Variants in SRGAP3 observed in about 807,000 individuals in gnomAD.
The protein encoded by SRGAP3 is SLIT-ROBO Rho GTPase activating protein 3.
SRGAP3 carries 39 observed loss-of-function variants against 121.1 expected under a neutral mutation model. The ratio of observed to expected loss-of-function variants is 0.32; its 90% CI spans 0.25 to 0.42. SRGAP3 has a LOEUF of 0.42. SRGAP3 is among the 10% of genes least tolerant of loss of function. The pLI, the probability that SRGAP3 is intolerant of heterozygous loss-of-function variation, is 1.00. For synonymous variants in SRGAP3, 601 were observed against 570.0 expected, an observed-to-expected ratio of 1.05 and a Z score of -0.77; for missense variants, 1,213 against 1,470.6, an observed-to-expected ratio of 0.82 and a Z score of 2.86.
At chr3:9,322,739 G>A (rs951865308) in intron 3 of SRGAP3, among the ~76,000 whole-genome samples, 3 of 151,520 alleles carry the variant, frequency 2.0e-5, no homozygotes, top group Non-Finnish European at 4.4e-5. Context: ...TCCACAAAAC[G>A]AGTCCCTGGT....
At chr3:9,252,704 T>TC (rs1037737125), upstream of SRGAP3, among the ~76,000 whole-genome samples, 2 of 152,038 alleles carry the variant, frequency 1.3e-5, no homozygotes, top group African/African-American at 4.8e-5. Flanking sequence ...CTTCCAGTCC[T>TC]CCCCACAGCC....
intron 3 of SRGAP3, among the ~76,000 whole-genome samples, chr3:9,270,852 C>T (rs13063276): frequency 0.38 from 57,415 of 151,778 alleles, 11,971 homozygotes; most frequent in Admixed American, 0.48. Context: ...TGGTACTGTT[C>T]TGTGCTGCCT....
In SRGAP3 at chr3:9,334,431, G is replaced by T. The variant is rs549853710; in HGVS notation, n.215-3835C>A. Among the ~76,000 whole-genome samples the T allele has an allele frequency of 1.7e-4, 26 of 152,156 alleles. 1 individual carries two copies. The East Asian group carries it at 4.6e-3, about 27-fold the overall frequency. ...TGATATGTGTTGTACTAGATATACA[G>T]AAAATGTATCCAATCTTAGATAAGA... On this transcript the variant is annotated intron_variant and non_coding_transcript_variant, in intron 1 of 3. Transcript: ENST00000490889.
At chr3:9,080,227 TACA>T in intron 3 of SRGAP3, 140 bp from the exon 4 acceptor site, 1 of 751,908 alleles carries the variant, frequency 1.3e-6, no homozygotes, top group Non-Finnish European at 2.3e-6. Flanking sequence ...TTCATTGATC[TACA>T]ACAACATAAA....
intron 18 of SRGAP3, chr3:9,006,911 T>C (rs1482472429): frequency 6.6e-6 from 1 of 150,904 alleles, no homozygotes; most frequent in Non-Finnish European, 1.5e-5. Flanking sequence ...TCCAGACTTA[T>C]CAGACTCAAG....
At chr3:9,132,965 G>A (rs531779800) in intron 1 of SRGAP3, among the ~76,000 whole-genome samples, 2 of 150,438 alleles carry the variant, frequency 1.3e-5, no homozygotes, top group South Asian at 2.1e-4. Context: ...TACCATGATC[G>A]TGTGCATCAT....
chr3:9,217,412 C>T (rs1176768995), intron 1 of SRGAP3: 2 of 152,058 alleles, frequency 1.3e-5, no homozygotes, highest in Admixed American at 1.3e-4. Flanking sequence ...CAAGGGGGCA[C>T]GTCAAATTCT....
chr3:8,996,894 AG>A (rs967776003), intron 18 of SRGAP3, among the ~76,000 whole-genome samples: 1 of 152,158 alleles, frequency 6.6e-6, no homozygotes, highest in African/African-American at 2.4e-5. Context: ...TGATACTCAG[AG>A]GGGCACAGAG....
intron 1 of SRGAP3, among the ~76,000 whole-genome samples, chr3:9,353,682 T>C (rs981966912): frequency 1.3e-5 from 2 of 152,232 alleles, no homozygotes; most frequent in African/African-American, 4.8e-5. Context: ...TGTTAACACC[T>C]GACAGGACAA....
intron 3 of SRGAP3, among the ~76,000 whole-genome samples, chr3:9,279,823 T>C (rs543646279): frequency 6.4e-4 from 98 of 152,200 alleles, no homozygotes; most frequent in Middle Eastern, 3.4e-3. Flanking sequence ...ACAAACACCC[T>C]GATCGTGGCA....
chr3:9,336,347 C>T (rs1481867041), intron 1 of SRGAP3, among the ~76,000 whole-genome samples: 1 of 152,040 alleles, frequency 6.6e-6, no homozygotes, highest in Non-Finnish European at 1.5e-5. Context: ...TCCTGAGTAG[C>T]TGGGACTATA....
intron 14 of SRGAP3, among the ~76,000 whole-genome samples, chr3:9,019,568 A>G (rs1285949155): frequency 6.6e-6 from 1 of 152,234 alleles, no homozygotes; most frequent in East Asian, 1.9e-4. Context: ...CCTCCTGAAC[A>G]GCGAAGAGCA....
At chr3:9,078,627 G>A (rs960240739) in intron 4 of SRGAP3, among the ~76,000 whole-genome samples, 3 of 152,102 alleles carry the variant, frequency 2.0e-5, no homozygotes, top group Admixed American at 6.5e-5. Flanking sequence ...TCACAGGGAC[G>A]TGCACTAAGC....
At chr3:9,254,958 AAAAG>A (rs1364626702) in intron 3 of SRGAP3, among the ~76,000 whole-genome samples, 2 of 151,102 alleles carry the variant, frequency 1.3e-5, no homozygotes, top group Admixed American at 6.6e-5. Context: ...AAAGAAAGAG[AAAAG>A]AAAGAAAGGG....
chr3:9,124,775 C>G lies in SRGAP3; in HGVS notation c.210G>C (p.Leu70=), dbSNP rs747374784. Residue 70 remains leucine, a synonymous_variant, in exon 2 of 22, where the codon CTG becomes CTC. Coordinates refer to ENST00000383836, the MANE Select transcript of SRGAP3 (RefSeq NM_014850.4). ...GGATTTTGGAGGAGAAGCGCTCAGC[C>G]AGCTTCTCCAGGCTGCGGGAGTACT... is the stretch of plus-strand genomic sequence containing the variant. The part of the protein sequence containing the change: ...ELEYSRSLEK[L]AERFSSKIRS... 6.4e-5 allele frequency: 104 copies of G among 1,614,106 alleles called. No homozygotes were observed. The highest frequency in any genetic ancestry group is 8.7e-5 in the Non-Finnish European group (103 of 1,180,068).
chr3:9,346,270 G>T (rs935668855), intron 1 of SRGAP3, among the ~76,000 whole-genome samples: 1 of 151,512 alleles, frequency 6.6e-6, no homozygotes, highest in Admixed American at 6.6e-5. Flanking sequence ...TTAGAGATTG[G>T]GTCTTGCTCT....
intron 1 of SRGAP3, among the ~76,000 whole-genome samples, chr3:9,139,651 T>C (rs1949781441): frequency 6.6e-6 from 1 of 152,192 alleles, no homozygotes; most frequent in Non-Finnish European, 1.5e-5. Context: ...AATAAATGCG[T>C]GTTGTTTTAA....
At chr3:9,230,665 G>C (rs1393344835) in intron 1 of SRGAP3, among the ~76,000 whole-genome samples, 1 of 152,078 alleles carries the variant, frequency 6.6e-6, no homozygotes, top group African/African-American at 2.4e-5. Context: ...GTGCCTAGGA[G>C]TTTAAGATAG....
chr3:9,004,714 A>T (rs1308891352), intron 18 of SRGAP3, among the ~76,000 whole-genome samples: 1 of 152,244 alleles, frequency 6.6e-6, no homozygotes, highest in African/African-American at 2.4e-5. Context: ...GGACAACTGG[A>T]GAGCCACATA....
Sources: gnomAD v4.1 joint callset for allele counts (sites outside exome capture counted in the v4.1 genomes callset) on GRCh38, gnomAD v4.1.1 for gene constraint, MANE v1.5 for transcripts, NCBI Gene and HGNC (gene_info 2026-07-23, HGNC 2026-07-21) for gene names.